The following FHDC1 variants were observed in gnomAD, a reference collection of about 807,000 sequenced individuals.
FHDC1 encodes the protein FH2 domain-containing protein 1.
Under a neutral mutation model 52.6 loss-of-function variants are expected in FHDC1, and 25 were observed. The ratio of observed to expected loss-of-function variants is 0.48; its 90% confidence interval spans 0.35 to 0.66. The LOEUF is 0.66. Among genes scored for constraint, FHDC1 ranks in the 30% least tolerant of loss-of-function variants. The pLI, the probability that FHDC1 is intolerant of heterozygous loss-of-function variation, is 0.01. For synonymous variants in FHDC1, 616 were observed against 581.5 expected (o/e 1.06, Z -0.85); for missense variants, 1,459 against 1,452.8 (o/e 1.00, Z -0.07).
chr4:152,957,369 T>G (rs897454288), intron 4 of FHDC1, among the ~76,000 whole-genome samples: 1 of 152,198 alleles, frequency 6.6e-6, no homozygotes, highest in African/African-American at 2.4e-5. Context: ...CATTTAATCC[T>G]TGCAGCAATG....
At position 152,975,777 on chromosome 4, in the gene FHDC1, C is replaced by G. The variant is rs1740849268; in HGVS notation, c.2486C>G (p.Pro829Arg). The stretch of plus-strand genomic sequence containing the variant: ...TCCTCCAACCCTACATCCAGCCCCC[C>G]TGGGGAGGCTCCTGCCCCCGTCTCT... ...QVSSNPTSSP[P>R]GEAPAPVSVD... The change falls in exon 12 of 12, where the codon CCT becomes CGT. Residue 829 changes from proline (P) to arginine (R), a missense_variant. By Grantham distance (103) the Pro-to-Arg change is moderately radical. Transcript: ENST00000511601. 1 of 1,554,362 alleles carries G rather than the reference C, an allele frequency of 6.4e-7. No homozygotes were observed. The highest frequency in any genetic ancestry group is 8.7e-7 in the Non-Finnish European group (1 of 1,149,028).
chr4:152,927,871 A>G, the FHDC1 span: 7 of 1,395,782 alleles, frequency 5.0e-6, no homozygotes, highest in Admixed American at 1.2e-4. Flanking sequence ...AGCCCTTAGA[A>G]ACCAAGAACA....
intron 2 of FHDC1, among the ~76,000 whole-genome samples, chr4:152,953,290 A>T (rs1331711947): frequency 6.6e-6 from 1 of 152,234 alleles, no homozygotes; most frequent in Admixed American, 6.5e-5. Context: ...TTAAGGAAAT[A>T]TAATACCACT....
intron 2 of FHDC1, among the ~76,000 whole-genome samples, chr4:152,950,260 C>T (rs980445842): frequency 3.3e-5 from 5 of 152,188 alleles, no homozygotes; most frequent in African/African-American, 1.2e-4. Context: ...AGCTAATTTA[C>T]ATGTGCAGTG....
In FHDC1 at chr4:152,964,909, C is replaced by T. The variant is rs1458407056; in HGVS notation, c.1034C>T (p.Ala345Val). ...AAAATTCTGTTTTTGTTCCAGGAAG[C>T]CCAAAAGAAAGATACCATTCTTCTA... ...MNLLHFVAQE[A>V]QKKDTILLNF... The change falls in exon 9 of 12, where the codon GCC becomes GTC. Residue 345 changes from alanine (A) to valine (V), a missense_variant. Ala to Val is a moderately conservative substitution (Grantham distance 64). Transcript: ENST00000511601. The T allele has an allele frequency of 1.2e-6, 2 of 1,610,216 alleles. No homozygotes were observed. The highest frequency in any genetic ancestry group is 2.2e-5 in the East Asian group (1 of 44,740).
chr4:152,919,598 C>G, the FHDC1 span, among the ~76,000 whole-genome samples: 1 of 152,186 alleles, frequency 6.6e-6, no homozygotes, highest in Admixed American at 6.5e-5. Context: ...ACCAGACATT[C>G]TTAACATAGA....
In FHDC1 at chr4:152,976,596, C is replaced by T. The variant is rs976960620; in HGVS notation, c.3305C>T (p.Ala1102Val). The T allele has an allele frequency of 4.3e-6, 7 of 1,611,916 alleles. No individual in the cohort carries two copies. Among genetic ancestry groups the T allele is most frequent in the South Asian group, 2.2e-5 (2 of 90,962 alleles). ...ARAPKKRPES[A>V]EGPSANTEAP... ...GCCCCCAAGAAGCGCCCAGAGTCTG[C>T]GGAGGGTCCCAGTGCCAACACGGAG... is the stretch of plus-strand genomic sequence containing the variant. Residue 1102 changes from alanine to valine, a missense_variant, in exon 12 of 12, where the codon GCG (alanine) becomes GTG (valine). By Grantham distance (64) the Ala-to-Val change is moderately conservative. This residue lies in a region of FHDC1 where 939 missense variants were observed against 854.5 expected (regional missense o/e 1.10). Transcript: ENST00000511601.
At chr4:152,965,532 T>C (rs889091317) in intron 9 of FHDC1, among the ~76,000 whole-genome samples, 6 of 152,238 alleles carry the variant, frequency 3.9e-5, no homozygotes, top group Non-Finnish European at 5.9e-5. Flanking sequence ...CTAATGTAGA[T>C]ATGTATCTTA....
At chr4:152,918,418 C>G in the FHDC1 span, 1 of 152,202 alleles carries the variant, frequency 6.6e-6, no homozygotes, top group Non-Finnish European at 1.5e-5. Context: ...TCTTTGGAAT[C>G]CTGTACACCT....
the FHDC1 span, among the ~76,000 whole-genome samples, chr4:152,930,997 A>ACACACACACACTCTCTCTCT: frequency 1.8e-5 from 2 of 113,146 alleles, no homozygotes; most frequent in African/African-American, 6.8e-5. Context: ...ACACACACAC[A>ACACACACACACTCTCTCTCT]CTCTCTCTCT....
At chr4:152,935,449 C>A (rs1449410324), upstream of FHDC1, among the ~76,000 whole-genome samples, 1 of 151,946 alleles carries the variant, frequency 6.6e-6, no homozygotes, top group Admixed American at 6.6e-5. Context: ...CGCCCCAAGT[C>A]ACTTTGAAGA....
intron 6 of FHDC1, among the ~76,000 whole-genome samples, chr4:152,962,276 T>G (rs1409008076): frequency 3.3e-5 from 5 of 152,244 alleles, no homozygotes; most frequent in Non-Finnish European, 5.9e-5. Context: ...ATGAAAAGAT[T>G]CCCTGGATGC....
the FHDC1 span, among the ~76,000 whole-genome samples, chr4:152,926,611 G>A: frequency 7.5e-5 from 11 of 147,362 alleles, no homozygotes; most frequent in East Asian, 2.2e-3. Flanking sequence ...GCCTTGTTAT[G>A]TAACTGAAGC....
At chr4:152,929,241 C>T in the FHDC1 span, among the ~76,000 whole-genome samples, 2 of 152,146 alleles carry the variant, frequency 1.3e-5, no homozygotes, top group African/African-American at 4.8e-5. The surrounding 1 kb of genome is among the most constrained non-coding windows in gnomAD (Gnocchi z 4.1). Flanking sequence ...TCTGATTAAC[C>T]TTTTACTAAA....
At chr4:152,929,936 T>C in the FHDC1 span, among the ~76,000 whole-genome samples, 6 of 152,212 alleles carry the variant, frequency 3.9e-5, no homozygotes, top group African/African-American at 1.2e-4. The surrounding 1 kb of genome is among the most constrained non-coding windows in gnomAD (Gnocchi z 4.1). Context: ...TCAATTCTCC[T>C]GAAAAGAAAA....
the FHDC1 span, among the ~76,000 whole-genome samples, chr4:152,915,997 T>A: frequency 6.6e-6 from 1 of 152,150 alleles, no homozygotes; most frequent in African/African-American, 2.4e-5. Context: ...ATCAAGTATT[T>A]TACCTTAAAT....
intron 6 of FHDC1, among the ~76,000 whole-genome samples, chr4:152,961,653 T>C (rs1740286127): frequency 6.6e-6 from 1 of 152,216 alleles, no homozygotes. Flanking sequence ...TTCCTTTTGG[T>C]CATTTTCTGG....
intron 9 of FHDC1, among the ~76,000 whole-genome samples, chr4:152,966,250 A>G (rs908944894): frequency 2.6e-5 from 4 of 152,156 alleles, no homozygotes; most frequent in Non-Finnish European, 2.9e-5. Context: ...AAGCTTGTTT[A>G]TTTGAAATGG....
At chr4:152,916,979 T>C in the FHDC1 span, 2 of 152,246 alleles carry the variant, frequency 1.3e-5, no homozygotes, top group African/African-American at 4.8e-5. Context: ...TGTGCCACCA[T>C]GCCCAACTAA....
Sources: gnomAD v4.1 joint callset for allele counts (sites outside exome capture counted in the v4.1 genomes callset) on GRCh38, gnomAD v4.1.1 for gene constraint, gnomAD v4.1.1 regional missense constraint, Gnocchi (gnomAD v3.1) non-coding constraint, MANE v1.5 for transcripts, NCBI Gene and HGNC (gene_info 2026-07-23, HGNC 2026-07-21) for gene names.